The following NKAIN3 variants were observed in gnomAD, a reference collection of about 807,000 sequenced individuals.
NKAIN3 encodes sodium/potassium transporting ATPase interacting 3.
Under a neutral mutation model 30.2 loss-of-function variants are expected in NKAIN3, and 25 were observed. That is an observed-to-expected ratio of 0.83 (90% CI 0.60 to 1.16). NKAIN3 has a LOEUF of 1.16. Ranked by LOEUF, NKAIN3 falls within the 50% of genes most tolerant of loss-of-function variation. NKAIN3 has a pLI of 0.00. For synonymous variants in NKAIN3, 91 were observed against 89.6 expected, an observed-to-expected ratio of 1.02 and a Z score of -0.09; for missense variants, 225 against 254.1, an observed-to-expected ratio of 0.89 and a Z score of 0.78.
chr8:62,308,359 A>G (rs1206172936), intron 1 of NKAIN3, among the ~76,000 whole-genome samples: 1 of 150,212 alleles, frequency 6.7e-6, no homozygotes, highest in Non-Finnish European at 1.5e-5. Context: ...TAATGCATAA[A>G]GTAAGTGTAG....
At chr8:62,586,763 G>A (rs1369647111) in intron 2 of NKAIN3, among the ~76,000 whole-genome samples, 2 of 151,892 alleles carry the variant, frequency 1.3e-5, no homozygotes, top group East Asian at 3.9e-4. Context: ...GTAAAACTAG[G>A]ATATATTTAG....
At position 62,709,285 on chromosome 8, in the gene NKAIN3, C is replaced by T. The variant is rs191514951; in HGVS notation, c.274-37647C>T. ...CTTCCTCCATCTTGTGGAATAGTGT[C>T]GAAAGGATTGGTCCAATTCTTCTTT... On this transcript the variant is annotated intron_variant, in intron 3 of 6. Transcript: ENST00000623646. Among the ~76,000 whole-genome samples the T allele has an allele frequency of 9.5e-4, 145 of 152,146 alleles. 1 individual carries two copies. The highest frequency in any genetic ancestry group is 6.8e-3 in the Middle Eastern group (2 of 294).
At chr8:62,593,849 A>G (rs1469337055) in intron 3 of NKAIN3, among the ~76,000 whole-genome samples, 1 of 152,046 alleles carries the variant, frequency 6.6e-6, no homozygotes, top group Non-Finnish European at 1.5e-5. Flanking sequence ...AAAAGGCAAT[A>G]GTTAAAGTTT....
At chr8:62,272,127 A>AG (rs1429690945) in intron 1 of NKAIN3, among the ~76,000 whole-genome samples, 1 of 152,232 alleles carries the variant, frequency 6.6e-6, no homozygotes, top group Admixed American at 6.5e-5. Context: ...TGAGGGAATA[A>AG]GTGGATAGAA....
intron 1 of NKAIN3, among the ~76,000 whole-genome samples, chr8:62,529,477 T>C (rs1213685311): frequency 9.2e-5 from 14 of 152,036 alleles, no homozygotes; most frequent in Non-Finnish European, 2.9e-5. Context: ...TGGAAGGTGA[T>C]TGGGACATGA....
At position 62,983,055 on chromosome 8, in the gene NKAIN3, GCTAC is replaced by G. The variant is rs1824120716; in HGVS notation, c.*17650_*17653del. The G allele has an allele frequency of 6.6e-6, 1 of 152,122 alleles. No individual in the cohort carries two copies. The highest frequency in any genetic ancestry group is 6.5e-5 in the Admixed American group (1 of 15,270). 9.4% of individuals were successfully genotyped at this position (152,122 alleles called of 1,614,324 possible). On this transcript the variant is annotated 3_prime_UTR_variant, in exon 7 of 7. Coordinates refer to ENST00000623646, the MANE Select transcript of NKAIN3 (RefSeq NM_001304533.3). ...TGACTTGGAAGTTTCACTGCAGGTAGCTACCATACCAGCATTTGGTAAACTAGCT... is the reference window on the plus strand; with the variant it reads ...TGACTTGGAAGTTTCACTGCAGGTAGCATACCAGCATTTGGTAAACTAGCT...
In NKAIN3 at chr8:62,627,493, C is replaced by A. The variant is rs144745263; in HGVS notation, c.273+37699C>A. On this transcript the variant is annotated intron_variant, in intron 3 of 6. Transcript: ENST00000623646. ...GGGTAAAGAATAAGACTTCTTGGAACATGAGGTACTCTGGAGCTGGGATGG... is the reference window on the plus strand; with the variant it reads ...GGGTAAAGAATAAGACTTCTTGGAAAATGAGGTACTCTGGAGCTGGGATGG... Among the ~76,000 whole-genome samples the A allele has an allele frequency of 5.1e-3, 783 of 152,116 alleles. 4 individuals carry two copies. The highest frequency in any genetic ancestry group is 0.016 in the African/African-American group (682 of 41,522).
chr8:62,267,580 C>T (rs1420746744), intron 1 of NKAIN3, among the ~76,000 whole-genome samples: 1 of 152,072 alleles, frequency 6.6e-6, no homozygotes, highest in Non-Finnish European at 1.5e-5. Flanking sequence ...TATTTTTCTT[C>T]TATTTGAAGG....
intron 1 of NKAIN3, among the ~76,000 whole-genome samples, chr8:62,325,927 T>G (rs1459550346): frequency 6.6e-6 from 1 of 152,066 alleles, no homozygotes; most frequent in East Asian, 1.9e-4. Flanking sequence ...ATGCGTGGTT[T>G]GCAAAAATTC....
chr8:62,349,463 T>G (rs1194403452), intron 1 of NKAIN3, among the ~76,000 whole-genome samples: 1 of 152,192 alleles, frequency 6.6e-6, no homozygotes, highest in Non-Finnish European at 1.5e-5. Flanking sequence ...CAACTATTAG[T>G]AATTTGTATA....
Position 62,765,035 on chromosome 8 carries a change from G to A in NKAIN3, c.471+17906G>A, listed in dbSNP as rs534095114. Among the ~76,000 whole-genome samples, 3 of 152,170 alleles carry A rather than the reference G, an allele frequency of 2.0e-5. No individual in the cohort carries two copies. In the South Asian group the frequency reaches 6.2e-4, roughly 32 times the overall value. ...CAAGGCGGGCAGATCACGAGGTCAGGAGCTCGAGTCCAGTCTGGCCAATAT... is the reference window on the plus strand; with the variant it reads ...CAAGGCGGGCAGATCACGAGGTCAGAAGCTCGAGTCCAGTCTGGCCAATAT... On this transcript the variant is annotated intron_variant, in intron 4 of 6. Coordinates refer to ENST00000623646, the MANE Select transcript of NKAIN3 (RefSeq NM_001304533.3).
At chr8:62,348,697 TA>T (rs1816086695) in intron 1 of NKAIN3, among the ~76,000 whole-genome samples, 1 of 152,190 alleles carries the variant, frequency 6.6e-6, no homozygotes, top group South Asian at 2.1e-4. Flanking sequence ...TGAACCCTAA[TA>T]AACAAGAATG....
At chr8:62,645,950 C>G (rs763269214) in intron 3 of NKAIN3, among the ~76,000 whole-genome samples, 1 of 151,862 alleles carries the variant, frequency 6.6e-6, no homozygotes, top group Admixed American at 6.6e-5. Flanking sequence ...TTCTACTTTC[C>G]GAAAATAATA....
At chr8:62,914,219 T>A (rs1822010491) in intron 4 of NKAIN3, among the ~76,000 whole-genome samples, 1 of 152,222 alleles carries the variant, frequency 6.6e-6, no homozygotes, top group South Asian at 2.1e-4. Flanking sequence ...TGGAGGCTAT[T>A]TTCCTTAGCA....
chr8:62,382,218 A>G (rs763107644), intron 1 of NKAIN3, among the ~76,000 whole-genome samples: 2 of 152,230 alleles, frequency 1.3e-5, no homozygotes, highest in African/African-American at 2.4e-5. Context: ...ATTATTTTGT[A>G]TACAGTAAAG....
intron 4 of NKAIN3, among the ~76,000 whole-genome samples, chr8:62,787,456 T>A (rs115844165): frequency 6.6e-6 from 1 of 152,162 alleles, no homozygotes; most frequent in African/African-American, 2.4e-5. Flanking sequence ...GCCATGATAC[T>A]TAATTATAAA....
intron 3 of NKAIN3, among the ~76,000 whole-genome samples, chr8:62,618,057 T>G (rs1047273589): frequency 1.3e-5 from 2 of 152,224 alleles, no homozygotes; most frequent in Non-Finnish European, 1.5e-5. Context: ...CTCACGGTTC[T>G]GTCATTAGGA....
chr8:62,593,041 T>A (rs1241736528), intron 3 of NKAIN3, among the ~76,000 whole-genome samples: 3 of 151,958 alleles, frequency 2.0e-5, no homozygotes, highest in African/African-American at 7.2e-5. Flanking sequence ...AGAGAAAAAG[T>A]AGACACAATT....
At chr8:62,795,538 G>T (rs894549638) in intron 4 of NKAIN3, among the ~76,000 whole-genome samples, 1 of 152,046 alleles carries the variant, frequency 6.6e-6, no homozygotes, top group Non-Finnish European at 1.5e-5. Flanking sequence ...GAATTTACTC[G>T]CTATAGAACG....
Sources: allele counts gnomAD v4.1 joint callset (sites outside exome capture counted in the v4.1 genomes callset), GRCh38; gene constraint gnomAD v4.1.1; transcripts MANE v1.5; gene names NCBI Gene and HGNC (gene_info 2026-07-23, HGNC 2026-07-21).